The following NOX4 variants were observed in gnomAD, a reference collection of about 807,000 sequenced individuals.
The protein encoded by NOX4 is NADPH oxidase 4.
Under a neutral mutation model 87.6 loss-of-function variants are expected in NOX4, and 69 were observed. The observed-to-expected ratio is 0.79, with a 90% CI of 0.65 to 0.96. NOX4 has a LOEUF of 0.96. Ranked by LOEUF, NOX4 falls within the 40% of genes least tolerant of loss-of-function variation. NOX4 has a pLI of 0.00. For synonymous variants in NOX4, 275 were observed against 238.2 expected (o/e 1.15, Z -1.42); for missense variants, 680 against 681.5 (o/e 1.00, Z 0.02).
intron 6 of NOX4, 128 bp downstream of exon 6, chr11:89,440,560 G>T: frequency 2.0e-6 from 1 of 500,480 alleles, no homozygotes; most frequent in Non-Finnish European, 3.5e-6. Context: ...CCTGACCTCA[G>T]GTGATCCGCC....
the NOX4 span, among the ~76,000 whole-genome samples, chr11:89,536,048 G>GT: frequency 6.9e-6 from 1 of 145,360 alleles, no homozygotes; most frequent in Non-Finnish European, 1.5e-5. Context: ...GATCATGTTA[G>GT]TTTTTTTATT....
At chr11:89,344,657 G>A (rs1341446958) in intron 13 of NOX4, among the ~76,000 whole-genome samples, 1 of 152,116 alleles carries the variant, frequency 6.6e-6, no homozygotes, top group African/African-American at 2.4e-5. Flanking sequence ...TCCAAGGTTG[G>A]TACTGAATGT....
At chr11:89,347,668 C>T (rs575768719) in intron 13 of NOX4, among the ~76,000 whole-genome samples, 1 of 152,278 alleles carries the variant, frequency 6.6e-6, no homozygotes, top group African/African-American at 2.4e-5. Context: ...CCACCCAAAG[C>T]TCTTTCCTTC....
At chr11:89,413,071 A>C (rs1260153313) in intron 8 of NOX4, among the ~76,000 whole-genome samples, 1 of 152,220 alleles carries the variant, frequency 6.6e-6, no homozygotes, top group South Asian at 2.1e-4. Flanking sequence ...CAGGTATATG[A>C]AAAGGTGCTC....
chr11:89,407,591 T>C (rs900069607), intron 8 of NOX4, among the ~76,000 whole-genome samples: 1 of 152,054 alleles, frequency 6.6e-6, no homozygotes, highest in African/African-American at 2.4e-5. Context: ...TTCTTTTTTT[T>C]CCCTTGTTTC....
chr11:89,329,703 G>A (rs1195608592), intron 17 of NOX4, among the ~76,000 whole-genome samples: 1 of 151,910 alleles, frequency 6.6e-6, no homozygotes, highest in African/African-American at 2.4e-5. Flanking sequence ...CAAGTCAGAA[G>A]GCAATGAAGT....
At chr11:89,357,889 A>G (rs1938191326) in intron 12 of NOX4, among the ~76,000 whole-genome samples, 1 of 152,094 alleles carries the variant, frequency 6.6e-6, no homozygotes, top group Non-Finnish European at 1.5e-5. Flanking sequence ...TATTGACAGG[A>G]CTAAAAACAC....
the NOX4 span, among the ~76,000 whole-genome samples, chr11:89,560,359 A>AT: frequency 6.6e-6 from 1 of 152,036 alleles, no homozygotes; most frequent in Non-Finnish European, 1.5e-5. Context: ...GGCACCTTTG[A>AT]TTTTTTAGCC....
the NOX4 span, among the ~76,000 whole-genome samples, chr11:89,535,694 A>G: frequency 6.6e-6 from 1 of 152,216 alleles, no homozygotes; most frequent in African/African-American, 2.4e-5. Flanking sequence ...TTAAAAAAAA[A>G]GGACTGTATA....
At chr11:89,509,232 T>C in the NOX4 span, among the ~76,000 whole-genome samples, 1 of 99,246 alleles carries the variant, frequency 1.0e-5, no homozygotes, top group Non-Finnish European at 2.2e-5. Flanking sequence ...AGAAACAATA[T>C]ATCTTGATTA....
In NOX4 at chr11:89,355,034, C is replaced by T. The variant is rs763625784; in HGVS notation, c.1145G>A (p.Arg382Gln). The change falls in exon 13 of 18, where the codon CGA (arginine) becomes CAA (glutamine). Residue 382 changes from arginine to glutamine, a missense_variant. Coordinates refer to ENST00000263317, the MANE Select transcript of NOX4 (RefSeq NM_016931.5). ...KIVGDWTERFRDLLLPPSSQD... is the reference protein window; with the variant it reads ...KIVGDWTERFQDLLLPPSSQD... ...ACTAGATGGAGGCAGTAGTAAATCT[C>T]GAAATCGTTCTGTCAAAAGAAAAAT... 20 of 1,591,576 alleles carry T rather than the reference C, an allele frequency of 1.3e-5. No individual in the cohort carries two copies. Among genetic ancestry groups the T allele is most frequent in the African/African-American group, 2.7e-5 (2 of 74,220 alleles).
the NOX4 span, among the ~76,000 whole-genome samples, chr11:89,503,441 T>TA: frequency 6.6e-6 from 1 of 151,948 alleles, no homozygotes; most frequent in Admixed American, 6.6e-5. Flanking sequence ...AACACAATGT[T>TA]AAAAAAACTG....
At chr11:89,530,685 A>T in the NOX4 span, among the ~76,000 whole-genome samples, 2 of 151,790 alleles carry the variant, frequency 1.3e-5, no homozygotes, top group East Asian at 1.9e-4. Flanking sequence ...ATTTTTTAGG[A>T]TATGATTCAC....
the NOX4 span, among the ~76,000 whole-genome samples, chr11:89,536,251 A>G: frequency 2.9e-5 from 4 of 140,302 alleles, no homozygotes; most frequent in Non-Finnish European, 6.0e-5. Flanking sequence ...GGTTCACGCC[A>G]TTCTCCTGCC....
chr11:89,506,303 G>GAA, the NOX4 span, among the ~76,000 whole-genome samples: 1 of 139,874 alleles, frequency 7.1e-6, no homozygotes. Context: ...AAGAAAGAAA[G>GAA]AGAGAGAAAG....
intron 8 of NOX4, among the ~76,000 whole-genome samples, chr11:89,406,119 T>C (rs1942166952): frequency 6.6e-6 from 1 of 152,106 alleles, no homozygotes; most frequent in Admixed American, 6.6e-5. Flanking sequence ...AGAGTAAAAG[T>C]GCTCATTTCT....
chr11:89,429,665 A>C (rs1943664331), intron 7 of NOX4, among the ~76,000 whole-genome samples: 1 of 152,228 alleles, frequency 6.6e-6, no homozygotes, highest in Non-Finnish European at 1.5e-5. Flanking sequence ...ACCAGGAAGA[A>C]GATGAATCCC....
At chr11:89,484,455 T>C (rs980428260) in intron 2 of NOX4, among the ~76,000 whole-genome samples, 1 of 152,158 alleles carries the variant, frequency 6.6e-6, no homozygotes, top group African/African-American at 2.4e-5. Flanking sequence ...TAAAGTATCA[T>C]TTCACCTAAA....
At chr11:89,520,208 T>C in the NOX4 span, among the ~76,000 whole-genome samples, 1 of 151,428 alleles carries the variant, frequency 6.6e-6, no homozygotes, top group African/African-American at 2.4e-5. Flanking sequence ...CTGAAGAGGC[T>C]AAAAAAAAGG....
Sources: allele counts gnomAD v4.1 joint callset (sites outside exome capture counted in the v4.1 genomes callset), GRCh38; gene constraint gnomAD v4.1.1; transcripts MANE v1.5; gene names NCBI Gene and HGNC (gene_info 2026-07-23, HGNC 2026-07-21).